Variants in SBF2 observed in about 807,000 individuals in gnomAD.
SBF2 encodes the protein myotubularin-related protein 13.
In SBF2, 112 loss-of-function variants were observed where a neutral mutation model predicts 225.2. The ratio of observed to expected loss-of-function variants is 0.50; its 90% confidence interval spans 0.43 to 0.58. The LOEUF is 0.58. Among genes scored for constraint, SBF2 ranks in the 20% least tolerant of loss-of-function variants. The probability of loss-of-function intolerance (pLI) is 0.00; values close to 1 mark genes in which losing one functional copy is unlikely to be tolerated. For missense variants in SBF2, 1,996 were observed against 2,206.2 expected, an observed-to-expected ratio of 0.90 and a Z score of 1.91; for synonymous variants, 763 against 773.3, an observed-to-expected ratio of 0.99 and a Z score of 0.22.
At chr11:10,289,683 CCT>C (rs1354082377) in intron 1 of SBF2, among the ~76,000 whole-genome samples, 1 of 152,136 alleles carries the variant, frequency 6.6e-6, no homozygotes, top group African/African-American at 2.4e-5. Flanking sequence ...AGAGCCTACC[CCT>C]GAGGCACAGG....
chr11:10,022,605 C>A (rs771974814), intron 6 of SBF2, among the ~76,000 whole-genome samples: 2 of 152,008 alleles, frequency 1.3e-5, no homozygotes, highest in Non-Finnish European at 2.9e-5. Flanking sequence ...TACCCACCCC[C>A]CCATCATAAT....
At chr11:10,215,362 A>G (rs1272779314) in intron 1 of SBF2, among the ~76,000 whole-genome samples, 2 of 152,248 alleles carry the variant, frequency 1.3e-5, no homozygotes, top group Non-Finnish European at 2.9e-5. Context: ...TAACCTATCA[A>G]TTATTGCATT....
chr11:10,302,661 G>C (rs1248595561), intron 1 of SBF2: 1 of 152,294 alleles, frequency 6.6e-6, no homozygotes, highest in Non-Finnish European at 1.5e-5. Context: ...AGCTCAAAGA[G>C]GAGTTTGAAC....
At chr11:10,231,975 C>T (rs182931216) in intron 1 of SBF2, among the ~76,000 whole-genome samples, 1,622 of 152,328 alleles carry the variant, frequency 0.011, 33 homozygotes, top group African/African-American at 0.037. Flanking sequence ...GCTTCCCGGC[C>T]GCTTTGTTTA....
intron 2 of SBF2, among the ~76,000 whole-genome samples, chr11:10,128,750 C>A (rs1055610965): frequency 1.3e-5 from 2 of 152,140 alleles, no homozygotes; most frequent in African/African-American, 4.8e-5. Flanking sequence ...ATAAACTCAA[C>A]TTGTAGAAAA....
At chr11:9,882,795 CAAA>C (rs56699466) in intron 17 of SBF2, among the ~76,000 whole-genome samples, 6 of 90,056 alleles carry the variant, frequency 6.7e-5, no homozygotes, top group Non-Finnish European at 1.2e-4. Flanking sequence ...GTGACAGAGT[CAAA>C]AAAAAAAAAA....
intron 17 of SBF2, among the ~76,000 whole-genome samples, chr11:9,882,779 G>A (rs1235258613): frequency 7.9e-6 from 1 of 127,338 alleles, no homozygotes; most frequent in East Asian, 2.3e-4. Flanking sequence ...CTGCACTCCA[G>A]CCTGGGTGAC....
rs142040353 is a variant in SBF2 at position 10,142,050 on chromosome 11, C to A, written c.141+51852G>T. 8.1e-4 allele frequency among the ~76,000 whole-genome samples: 123 copies of A among 152,232 alleles called. No individual in the cohort carries two copies. In the Middle Eastern group the frequency reaches 0.01, roughly 13 times the overall value. On this transcript the variant is annotated intron_variant, in intron 2 of 39. Coordinates refer to ENST00000256190, the MANE Select transcript of SBF2 (RefSeq NM_030962.4). The stretch of plus-strand genomic sequence containing the variant: ...TAGATTTTTCTCACTGCTAATACTG[C>A]AATTCTGAGAAGAAGGCAAATTAAC...
rs187004201 is a variant in SBF2 at position 9,925,371 on chromosome 11, G to A, written c.1861-29360C>T. On this transcript the variant is annotated intron_variant, in intron 16 of 39. Transcript: ENST00000256190. ...TGGCTCACTGCAACCTCCACCTCCC[G>A]GCTTCAAGCGATTTTCCTGCCTCAG... 9.0e-3 allele frequency among the ~76,000 whole-genome samples: 1,374 copies of A among 152,024 alleles called. 87 individuals are homozygous for A. Among genetic ancestry groups the A allele is most frequent in the Admixed American group, 0.081 (1,239 of 15,258 alleles).
intron 1 of SBF2, among the ~76,000 whole-genome samples, chr11:10,247,750 T>C (rs1019832963): frequency 6.6e-6 from 1 of 152,090 alleles, no homozygotes; most frequent in African/African-American, 2.4e-5. Flanking sequence ...CAAAGCAAGA[T>C]GGCTACATAG....
At chr11:10,164,321 T>C (rs1265009080) in intron 2 of SBF2, among the ~76,000 whole-genome samples, 1 of 152,176 alleles carries the variant, frequency 6.6e-6, no homozygotes, top group Non-Finnish European at 1.5e-5. Flanking sequence ...CTCAAAAAAA[T>C]TCACTTTATT....
At chr11:10,289,120 A>G (rs569078658) in intron 1 of SBF2, among the ~76,000 whole-genome samples, 1 of 152,346 alleles carries the variant, frequency 6.6e-6, no homozygotes, top group South Asian at 2.1e-4. Flanking sequence ...GCGCTGACCT[A>G]AGTGTGTACA....
intron 1 of SBF2, among the ~76,000 whole-genome samples, chr11:10,198,505 T>A (rs929920156): frequency 1.2e-4 from 18 of 152,252 alleles, no homozygotes; most frequent in South Asian, 2.1e-4. Context: ...AGCATAATTC[T>A]TAAAGGCACT....
intron 16 of SBF2, among the ~76,000 whole-genome samples, chr11:9,925,167 C>T (rs1863932958): frequency 6.6e-6 from 1 of 152,082 alleles, no homozygotes; most frequent in Non-Finnish European, 1.5e-5. Context: ...TTAATATTTT[C>T]TGGTAGCCTA....
chr11:9,865,870 G>A (rs1858176455), intron 17 of SBF2, among the ~76,000 whole-genome samples: 1 of 151,890 alleles, frequency 6.6e-6, no homozygotes, highest in African/African-American at 2.4e-5. Context: ...TTTAACTATT[G>A]TATGGAATTC....
At chr11:10,225,263 A>G (rs1958495242) in intron 1 of SBF2, among the ~76,000 whole-genome samples, 1 of 152,108 alleles carries the variant, frequency 6.6e-6, no homozygotes, top group African/African-American at 2.4e-5. Context: ...ATTTGAGAAT[A>G]TTATTGGTAT....
chr11:10,226,571 C>CATG (rs1241525467), intron 1 of SBF2, among the ~76,000 whole-genome samples: 2 of 150,304 alleles, frequency 1.3e-5, no homozygotes, highest in Non-Finnish European at 3.0e-5. Context: ...TGAGTGAGAA[C>CATG]ATGAGGTGTT....
At chr11:10,226,406 T>C (rs1565374480) in intron 1 of SBF2, among the ~76,000 whole-genome samples, 1 of 152,194 alleles carries the variant, frequency 6.6e-6, no homozygotes, top group East Asian at 1.9e-4. Context: ...TGTATACATG[T>C]GCCATGCTGG....
intron 2 of SBF2, among the ~76,000 whole-genome samples, chr11:10,184,638 A>G (rs905491352): frequency 6.6e-6 from 1 of 152,198 alleles, no homozygotes; most frequent in Non-Finnish European, 1.5e-5. Context: ...GCCCCTGGCA[A>G]CCACCATTCT....
Sources: allele counts gnomAD v4.1 joint callset (sites outside exome capture counted in the v4.1 genomes callset), GRCh38; gene constraint gnomAD v4.1.1; transcripts MANE v1.5; gene names NCBI Gene and HGNC (gene_info 2026-07-23, HGNC 2026-07-21).